Variants in EPHA6 observed in about 807,000 individuals in gnomAD.
EPHA6 encodes the protein EPH receptor A6.
Under a neutral mutation model 112.0 loss-of-function variants are expected in EPHA6, and 50 were observed. That is an observed-to-expected ratio of 0.45 (90% CI 0.36 to 0.56). EPHA6 has a LOEUF of 0.56. Among genes scored for constraint, EPHA6 ranks in the 20% least tolerant of loss-of-function variants. The pLI is 0.00. For synonymous variants in EPHA6, 529 were observed against 490.7 expected, an observed-to-expected ratio of 1.08 and a Z score of -1.03; for missense variants, 1,280 against 1,417.4, an observed-to-expected ratio of 0.90 and a Z score of 1.56.
chr3:97,077,906 C>T (rs1169479153), intron 3 of EPHA6, among the ~76,000 whole-genome samples: 1 of 152,160 alleles, frequency 6.6e-6, no homozygotes, highest in African/African-American at 2.4e-5. Context: ...TGGGTATATA[C>T]CCAGTAATGG....
At chr3:97,431,634 A>G (rs1197363121) in intron 6 of EPHA6, among the ~76,000 whole-genome samples, 1 of 152,142 alleles carries the variant, frequency 6.6e-6, no homozygotes, top group African/African-American at 2.4e-5. Flanking sequence ...CTGAATATAT[A>G]TAGCTATTAC....
At chr3:97,512,272 C>T (rs1171359478) in intron 10 of EPHA6, among the ~76,000 whole-genome samples, 1 of 151,948 alleles carries the variant, frequency 6.6e-6, no homozygotes, top group Non-Finnish European at 1.5e-5. Context: ...TAGTAATTAT[C>T]TATGAGTATT....
In EPHA6 at chr3:97,610,806, G is replaced by A; in HGVS notation, c.2526G>A (p.Met842Ile). Residue 842 changes from methionine (M) to isoleucine (I), a missense_variant, in exon 13 of 18, where the codon ATG becomes ATA. Met to Ile is a conservative substitution (Grantham distance 10). This residue lies in a region of EPHA6 where 878 missense variants were observed against 999.7 expected (regional missense o/e 0.88). Transcript: ENST00000389672. ...PPRIPAGRPV[M>I]IVVEYMENGS... ...GCTCTTTTGCAGGCAGACCAGTAAT[G>A]ATTGTGGTGGAATATATGGAGAATG... is the stretch of plus-strand genomic sequence containing the variant. The A allele has an allele frequency of 6.2e-7, 1 of 1,611,734 alleles. No individual in the cohort carries two copies. The highest frequency in any genetic ancestry group is 8.5e-7 in the Non-Finnish European group (1 of 1,178,484).
chr3:97,667,737 G>A (rs2030300395), intron 14 of EPHA6, among the ~76,000 whole-genome samples: 2 of 152,146 alleles, frequency 1.3e-5, no homozygotes, highest in Admixed American at 1.3e-4. Flanking sequence ...ATTGGAAAGT[G>A]CAGCAGACCA....
chr3:96,977,769 T>G (rs544261508), intron 2 of EPHA6, among the ~76,000 whole-genome samples: 3 of 152,194 alleles, frequency 2.0e-5, no homozygotes, highest in African/African-American at 7.2e-5. Context: ...TCAGAAGCCT[T>G]GTTGATAACA....
intron 3 of EPHA6, among the ~76,000 whole-genome samples, chr3:97,123,188 G>A (rs1461423453): frequency 6.6e-6 from 1 of 152,028 alleles, no homozygotes; most frequent in Non-Finnish European, 1.5e-5. Flanking sequence ...AGCACATGTA[G>A]TGGTACTATT....
intron 6 of EPHA6, among the ~76,000 whole-genome samples, chr3:97,427,209 T>A (rs2089191461): frequency 6.6e-6 from 1 of 152,228 alleles, no homozygotes; most frequent in South Asian, 2.1e-4. Context: ...CAAAGGAATA[T>A]ATGTCATTCT....
chr3:97,343,269 A>C (rs78043328), intron 5 of EPHA6, among the ~76,000 whole-genome samples: 2,381 of 152,322 alleles, frequency 0.016, 59 homozygotes, highest in African/African-American at 0.052. Context: ...GTAAAGTAGC[A>C]AAGAACTTGG....
intron 14 of EPHA6, among the ~76,000 whole-genome samples, chr3:97,702,973 A>T (rs922001737): frequency 1.3e-5 from 2 of 152,164 alleles, no homozygotes; most frequent in South Asian, 2.1e-4. Flanking sequence ...TAAATTATAC[A>T]AGTTAATATT....
chr3:96,910,296 A>G (rs757835691), intron 2 of EPHA6, among the ~76,000 whole-genome samples: 1 of 152,034 alleles, frequency 6.6e-6, no homozygotes, highest in South Asian at 2.1e-4. Flanking sequence ...TTTTGCTTCA[A>G]TTTGACCACT....
At chr3:97,385,586 T>C (rs1251514966) in intron 5 of EPHA6, among the ~76,000 whole-genome samples, 1 of 152,198 alleles carries the variant, frequency 6.6e-6, no homozygotes, top group Non-Finnish European at 1.5e-5. Flanking sequence ...TTCCCTGTAA[T>C]GCCTCCAAAT....
At chr3:97,178,725 G>A (rs923193218) in intron 3 of EPHA6, among the ~76,000 whole-genome samples, 6 of 152,062 alleles carry the variant, frequency 3.9e-5, no homozygotes, top group Non-Finnish European at 8.8e-5. Context: ...ACATATTGGA[G>A]CTCCATTGTA....
intron 6 of EPHA6, among the ~76,000 whole-genome samples, chr3:97,425,630 A>G (rs902869617): frequency 6.6e-6 from 1 of 152,184 alleles, no homozygotes; most frequent in Non-Finnish European, 1.5e-5. Flanking sequence ...CATGGCCTGG[A>G]GACATTTTCC....
chr3:97,447,720 C>A, intron 6 of EPHA6: 1 of 1,007,068 alleles, frequency 9.9e-7, no homozygotes, highest in Non-Finnish European at 1.2e-6. Context: ...CTGTCTAGAT[C>A]ATCCAGAATG....
At chr3:96,971,526 G>T (rs1019148746) in intron 2 of EPHA6, among the ~76,000 whole-genome samples, 1 of 152,042 alleles carries the variant, frequency 6.6e-6, no homozygotes, top group Non-Finnish European at 1.5e-5. Context: ...TTAACTACAT[G>T]CCTAGCAGCA....
chr3:97,677,383 A>T (rs2031482432), intron 14 of EPHA6, among the ~76,000 whole-genome samples: 1 of 152,140 alleles, frequency 6.6e-6, no homozygotes, highest in African/African-American at 2.4e-5. Context: ...GATTTGGTGG[A>T]GCTAAAGGAT....
At chr3:97,388,064 C>T (rs1053432791) in intron 5 of EPHA6, among the ~76,000 whole-genome samples, 3 of 152,146 alleles carry the variant, frequency 2.0e-5, no homozygotes, top group African/African-American at 4.8e-5. Flanking sequence ...CCCCATGATT[C>T]AATCACTTCC....
In EPHA6 at chr3:97,244,250, G is replaced by C. The variant is rs2078925038; in HGVS notation, c.1569G>C (p.Lys523Asn). 3.7e-6 allele frequency: 6 copies of C among 1,613,218 alleles called. No individual in the cohort carries two copies. Among genetic ancestry groups the C allele is most frequent in the Non-Finnish European group, 5.1e-6 (6 of 1,179,428 alleles). ...NGVSELSFSPKPFTAITVTTD... is the reference protein window; with the variant it reads ...NGVSELSFSPNPFTAITVTTD... ...TTTCTGAGTTGAGTTTTTCTCCCAA[G>C]CCATTCACAGCTATTACAGTGACCA... is the stretch of plus-strand genomic sequence containing the variant. The change falls in exon 5 of 18, where the codon AAG becomes AAC. Residue 523 changes from lysine (K) to asparagine (N), a missense_variant. Physicochemically the swap from Lys to Asn is moderately conservative, Grantham distance 94. This residue lies in a region of EPHA6 where 878 missense variants were observed against 999.7 expected (regional missense o/e 0.88). Coordinates refer to ENST00000389672, the MANE Select transcript of EPHA6 (RefSeq NM_001080448.3).
At chr3:97,566,580 A>G (rs2107195412) in intron 11 of EPHA6, among the ~76,000 whole-genome samples, 1 of 152,340 alleles carries the variant, frequency 6.6e-6, no homozygotes, top group African/African-American at 2.4e-5. Flanking sequence ...TTTACAAAAT[A>G]ATTTTGTCAG....
Sources: gnomAD v4.1 joint callset for allele counts (sites outside exome capture counted in the v4.1 genomes callset) on GRCh38, gnomAD v4.1.1 for gene constraint, gnomAD v4.1.1 regional missense constraint, MANE v1.5 for transcripts, NCBI Gene and HGNC (gene_info 2026-07-23, HGNC 2026-07-21) for gene names.